CLIP1: variants seen among roughly 807,000 people sequenced by gnomAD.
The protein encoded by CLIP1 is CAP-Gly domain-containing linker protein 1.
Under a neutral mutation model 161.6 loss-of-function variants are expected in CLIP1, and 66 were observed. The ratio of observed to expected loss-of-function variants is 0.41; its 90% confidence interval spans 0.33 to 0.50. The LOEUF (loss-of-function observed/expected upper bound fraction) is 0.50, where lower values mean the gene tolerates loss of function less well. CLIP1 is among the 20% of genes least tolerant of loss of function. The pLI is 0.27. For missense variants in CLIP1, 1,376 were observed against 1,702.0 expected, an observed-to-expected ratio of 0.81 and a Z score of 3.37; for synonymous variants, 598 against 626.2, an observed-to-expected ratio of 0.96 and a Z score of 0.67.
At chr12:122,357,576 C>G (rs1177794931) in intron 5 of CLIP1, among the ~76,000 whole-genome samples, 9,596 of 129,640 alleles carry the variant, frequency 0.074, 1,272 homozygotes, top group African/African-American at 0.26. Context: ...CAGCCCCCCC[C>G]GCCCGGCCAG....
At chr12:122,324,218 A>G (rs1432561167) in intron 17 of CLIP1, 4 of 152,638 alleles carry the variant, frequency 2.6e-5, no homozygotes, top group African/African-American at 9.7e-5. Context: ...AAGTAAAGCT[A>G]TTTTGGCCTC....
chr12:122,372,194 G>A (rs935963753), intron 3 of CLIP1, among the ~76,000 whole-genome samples: 5 of 152,118 alleles, frequency 3.3e-5, no homozygotes, highest in Non-Finnish European at 5.9e-5. Context: ...GCCGAGGCGA[G>A]CAGATCACCT....
chr12:122,328,112 C>A lies in CLIP1; in HGVS notation c.3084G>T (p.Arg1028Ser). The change falls in exon 17 of 26, where the codon AGG (arginine) becomes AGT (serine). Residue 1028 changes from arginine to serine, a missense_variant. This residue lies in a region of CLIP1 where 948 missense variants were observed against 1,134.8 expected (regional missense o/e 0.84). Transcript: ENST00000620786. Reference sequence around the variant, plus strand: ...TTGTCTCAGAAGTGGCTCTCTCATACCTGGCTTTCAGCTCCTGACACTGGT... The same window carrying A: ...TTGTCTCAGAAGTGGCTCTCTCATAACTGGCTTTCAGCTCCTGACACTGGT... The part of the protein sequence containing the change: ...SHNQCQELKA[R>S]YERATSETKT... 1 of 1,614,158 alleles carries A rather than the reference C, an allele frequency of 6.2e-7. No individual in the cohort carries two copies. Among genetic ancestry groups the A allele is most frequent in the South Asian group, 1.1e-5 (1 of 91,088 alleles).
At position 122,363,060 on chromosome 12, in the gene CLIP1, A is replaced by G. The variant is rs139799354; in HGVS notation, c.782+923T>C. Among the ~76,000 whole-genome samples the G allele has an allele frequency of 6.8e-3, 1,037 of 152,350 alleles. 13 individuals carry two copies. Among genetic ancestry groups the G allele is most frequent in the South Asian group, 0.038 (181 of 4,826 alleles). ...GTTAACTACCACATTTTAATAATCA[A>G]GTGATGCATTAATGTACTGTATACT... is the stretch of plus-strand genomic sequence containing the variant. On this transcript the variant is annotated intron_variant, in intron 4 of 25. Coordinates refer to ENST00000620786, the MANE Select transcript of CLIP1 (RefSeq NM_001247997.2).
Position 122,279,744 on chromosome 12 carries a change from G to C in CLIP1, c.3648-599C>G, listed in dbSNP as rs895392649. 6.6e-6 allele frequency: 1 copy of C among 152,190 alleles called. No homozygotes were observed. Among genetic ancestry groups the C allele is most frequent in the African/African-American group, 2.4e-5 (1 of 41,428 alleles). 9.4% of individuals were successfully genotyped at this position (152,190 alleles called of 1,614,324 possible). A position where few individuals can be genotyped will look rare whatever the true frequency, so the allele number is the denominator to read the frequency against. ...TTATTACTTTCCAGCCATAGACTCT[G>C]AAGAGGACATTAAATTAGCTCATAG... On this transcript the variant is annotated intron_variant, in intron 21 of 25. Transcript: ENST00000620786. This position sits in a 1 kb window ranked among gnomAD's most constrained non-coding sequence, Gnocchi z 4.5.
chr12:122,420,518 T>C (rs1246486127), intron 1 of CLIP1, among the ~76,000 whole-genome samples: 1 of 152,146 alleles, frequency 6.6e-6, no homozygotes, highest in Non-Finnish European at 1.5e-5. Context: ...TCCCACCCGG[T>C]TTCAGTTTTC....
At chr12:122,298,914 C>T (rs190031819) in intron 20 of CLIP1, among the ~76,000 whole-genome samples, 1 of 152,260 alleles carries the variant, frequency 6.6e-6, no homozygotes, top group Non-Finnish European at 1.5e-5. Flanking sequence ...GAGATCGCGC[C>T]ACTGCACTCC....
Position 122,327,950 on chromosome 12 carries a change from G to A in CLIP1, c.3246C>T (p.Ala1082=). The A allele has an allele frequency of 6.2e-7, 1 of 1,613,924 alleles. No homozygotes were observed. The highest frequency in any genetic ancestry group is 8.5e-7 in the Non-Finnish European group (1 of 1,179,886). The change falls in exon 17 of 26, where the codon GCC becomes GCT. Residue 1082 remains alanine, a synonymous_variant. Coordinates refer to ENST00000620786, the MANE Select transcript of CLIP1 (RefSeq NM_001247997.2). Reference sequence around the variant, plus strand: ...GAAATTCTCTCGCGTCACGTACTTTGGCTTTGTCGGCTTGCTTTCTCAGCT... The same window carrying A: ...GAAATTCTCTCGCGTCACGTACTTTAGCTTTGTCGGCTTGCTTTCTCAGCT... The part of the protein sequence containing the change: ...LEELRKQADK[A]KAAQTAEDAM...
intron 21 of CLIP1, among the ~76,000 whole-genome samples, chr12:122,288,285 A>C (rs1168959337): frequency 6.6e-6 from 1 of 152,150 alleles, no homozygotes; most frequent in Non-Finnish European, 1.5e-5. Flanking sequence ...TGGCCTCCCA[A>C]AGTGCTGGGA....
chr12:122,310,473 AT>A (rs2080795890), intron 19 of CLIP1, among the ~76,000 whole-genome samples: 1 of 152,236 alleles, frequency 6.6e-6, no homozygotes, highest in Admixed American at 6.5e-5. Flanking sequence ...GTTTTATTTT[AT>A]AGTAGTCTTT....
chr12:122,289,895 GC>G (rs944635061), intron 20 of CLIP1, among the ~76,000 whole-genome samples: 1 of 150,724 alleles, frequency 6.6e-6, no homozygotes, highest in African/African-American at 2.4e-5. Flanking sequence ...TGCAACCTCT[GC>G]CTCCCAGGTT....
chr12:122,385,590 G>A (rs1190419837), intron 1 of CLIP1, among the ~76,000 whole-genome samples: 1 of 152,170 alleles, frequency 6.6e-6, no homozygotes, highest in East Asian at 1.9e-4. Flanking sequence ...GTATTGAAAG[G>A]ACTGCTGGTA....
intron 1 of CLIP1, among the ~76,000 whole-genome samples, chr12:122,413,318 G>A (rs1286266412): frequency 6.6e-6 from 1 of 152,104 alleles, no homozygotes; most frequent in Non-Finnish European, 1.5e-5. Flanking sequence ...TAAAAGAAGG[G>A]ATTTTTAGAA....
intron 1 of CLIP1, among the ~76,000 whole-genome samples, chr12:122,387,569 TATATATA>T (rs1955354310): frequency 1.3e-4 from 1 of 7,800 alleles, no homozygotes; most frequent in Non-Finnish European, 3.3e-4. Context: ...TATATATATA[TATATATA>T]TATATATATA....
intron 19 of CLIP1, among the ~76,000 whole-genome samples, chr12:122,310,454 A>G (rs745982214): frequency 2.0e-4 from 30 of 152,262 alleles, no homozygotes; most frequent in Non-Finnish European, 4.0e-4. Flanking sequence ...TCCTAATTAC[A>G]TAACAGGTGT....
At chr12:122,408,398 G>C (rs1956407139) in intron 1 of CLIP1, among the ~76,000 whole-genome samples, 1 of 151,774 alleles carries the variant, frequency 6.6e-6, no homozygotes, top group Non-Finnish European at 1.5e-5. Flanking sequence ...GCCCAGGCTG[G>C]AGTGCAGTGG....
intron 18 of CLIP1, among the ~76,000 whole-genome samples, chr12:122,318,924 C>T (rs1236599395): frequency 6.6e-6 from 1 of 152,146 alleles, no homozygotes; most frequent in East Asian, 1.9e-4. Context: ...AGAGAAAAAA[C>T]AATGTGTGTG....
chr12:122,284,488 G>A (rs1019864223), intron 21 of CLIP1, among the ~76,000 whole-genome samples: 4 of 152,060 alleles, frequency 2.6e-5, no homozygotes, highest in African/African-American at 4.8e-5. Context: ...GAGTAGCTGG[G>A]ACTACAGATG....
At chr12:122,420,357 A>G (rs1956899865) in intron 1 of CLIP1, among the ~76,000 whole-genome samples, 1 of 152,090 alleles carries the variant, frequency 6.6e-6, no homozygotes, top group African/African-American at 2.4e-5. Context: ...AAAAAAAAAA[A>G]AGAGATAAGG....
Sources: gnomAD v4.1 joint callset for allele counts (sites outside exome capture counted in the v4.1 genomes callset) on GRCh38, gnomAD v4.1.1 for gene constraint, gnomAD v4.1.1 regional missense constraint, Gnocchi (gnomAD v3.1) non-coding constraint, MANE v1.5 for transcripts, NCBI Gene and HGNC (gene_info 2026-07-23, HGNC 2026-07-21) for gene names.